The following PLEKHA5 variants were observed in gnomAD, a reference collection of about 807,000 sequenced individuals.
PLEKHA5 encodes the protein pleckstrin homology domain containing A5, also known as pleckstrin homology domain-containing family A member 5.
In PLEKHA5, 55 loss-of-function variants were observed where a neutral mutation model predicts 181.9. The ratio of observed to expected loss-of-function variants is 0.30; its 90% CI spans 0.24 to 0.38. The LOEUF (loss-of-function observed/expected upper bound fraction) is 0.38, where lower values mean the gene tolerates loss of function less well. PLEKHA5 is among the 10% of genes least tolerant of loss of function. The pLI is 1.00. For missense variants in PLEKHA5, 1,432 were observed against 1,549.5 expected (o/e 0.92, Z 1.27); for synonymous variants, 535 against 529.4 (o/e 1.01, Z -0.15).
At chr12:19,134,578 G>A (rs1279782365) in intron 3 of PLEKHA5, among the ~76,000 whole-genome samples, 1 of 152,070 alleles carries the variant, frequency 6.6e-6, no homozygotes, top group Non-Finnish European at 1.5e-5. Flanking sequence ...TTCTTTTAAG[G>A]TTAGTTAAAT....
intron 15 of PLEKHA5, among the ~76,000 whole-genome samples, chr12:19,301,019 AC>A (rs367565343): frequency 1.1e-4 from 16 of 151,464 alleles, no homozygotes; most frequent in African/African-American, 3.9e-4. Flanking sequence ...GTGTGGTGGC[AC>A]ATACCTGTAA....
intron 3 of PLEKHA5, chr12:19,154,624 A>G (rs1005396256): frequency 2.0e-5 from 3 of 152,212 alleles, no homozygotes; most frequent in African/African-American, 7.2e-5. Context: ...ATTAGTGAGA[A>G]TGGTTAAATA....
intron 3 of PLEKHA5, among the ~76,000 whole-genome samples, chr12:19,162,376 T>C (rs2043161972): frequency 6.6e-6 from 1 of 152,236 alleles, no homozygotes; most frequent in African/African-American, 2.4e-5. Context: ...GAAGCTGTTT[T>C]GCACATCGAT....
intron 25 of PLEKHA5, among the ~76,000 whole-genome samples, chr12:19,349,252 A>G (rs1428575584): frequency 1.3e-5 from 2 of 151,948 alleles, no homozygotes; most frequent in African/African-American, 4.8e-5. Context: ...AGTAGCTGGG[A>G]CTACAGGCAC....
At chr12:19,233,253 T>A (rs1034113081) in intron 3 of PLEKHA5, among the ~76,000 whole-genome samples, 1 of 152,228 alleles carries the variant, frequency 6.6e-6, no homozygotes, top group Non-Finnish European at 1.5e-5. Flanking sequence ...GTTTTCATTA[T>A]CCTTAATTTT....
intron 3 of PLEKHA5, among the ~76,000 whole-genome samples, chr12:19,196,312 G>A (rs2052719216): frequency 6.6e-6 from 1 of 152,004 alleles, no homozygotes; most frequent in South Asian, 2.1e-4. Context: ...ATTTTTCATA[G>A]GTCTTTAGAC....
chr12:19,187,383 G>C (rs2050103819), intron 3 of PLEKHA5, among the ~76,000 whole-genome samples: 1 of 152,176 alleles, frequency 6.6e-6, no homozygotes, highest in African/African-American at 2.4e-5. Context: ...TAGCTGGGTG[G>C]TTCTGGCTCA....
intron 28 of PLEKHA5, among the ~76,000 whole-genome samples, chr12:19,360,315 A>G (rs2095168477): frequency 1.3e-5 from 2 of 150,616 alleles, no homozygotes; most frequent in African/African-American, 2.4e-5. Flanking sequence ...AAAAAAAAAC[A>G]AAAAAAACGT....
At chr12:19,198,710 T>G (rs1358817253) in intron 3 of PLEKHA5, among the ~76,000 whole-genome samples, 1 of 152,134 alleles carries the variant, frequency 6.6e-6, no homozygotes, top group Non-Finnish European at 1.5e-5. Flanking sequence ...TTTTTAATAC[T>G]TAAGATATTA....
At chr12:19,368,244 A>C (rs925403304) in intron 30 of PLEKHA5, among the ~76,000 whole-genome samples, 1 of 152,164 alleles carries the variant, frequency 6.6e-6, no homozygotes, top group African/African-American at 2.4e-5. Context: ...TAATCTCAGC[A>C]CTTTCGGAAG....
At chr12:19,218,685 G>A (rs2058416494) in intron 3 of PLEKHA5, among the ~76,000 whole-genome samples, 2 of 151,968 alleles carry the variant, frequency 1.3e-5, no homozygotes, top group South Asian at 4.1e-4. Context: ...CCAGTAAAAA[G>A]GAATGGAGGA....
intron 15 of PLEKHA5, among the ~76,000 whole-genome samples, chr12:19,308,834 G>C (rs371926026): frequency 7.3e-5 from 11 of 151,098 alleles, no homozygotes; most frequent in South Asian, 2.1e-4. Flanking sequence ...GATCACCTGA[G>C]GTAAGGAGTT....
chr12:19,333,422 A>G (rs576541243), intron 20 of PLEKHA5, among the ~76,000 whole-genome samples: 1 of 151,138 alleles, frequency 6.6e-6, no homozygotes, highest in East Asian at 2.0e-4. Flanking sequence ...TACTAAAAAT[A>G]AAAAAAAATT....
chr12:19,302,276 C>T (rs1226151919), intron 15 of PLEKHA5, among the ~76,000 whole-genome samples: 1 of 152,212 alleles, frequency 6.6e-6, no homozygotes, highest in Non-Finnish European at 1.5e-5. Flanking sequence ...AGAAGCTCTG[C>T]TCTGTATCCA....
intron 7 of PLEKHA5, among the ~76,000 whole-genome samples, chr12:19,263,552 C>T (rs949606422): frequency 6.6e-6 from 1 of 152,184 alleles, no homozygotes; most frequent in Admixed American, 6.5e-5. Context: ...TTTTGGAGAT[C>T]AGTCCATGTT....
At chr12:19,173,181 G>A (rs1204595747) in intron 3 of PLEKHA5, among the ~76,000 whole-genome samples, 4 of 148,916 alleles carry the variant, frequency 2.7e-5, no homozygotes, top group African/African-American at 7.4e-5. Flanking sequence ...CCGCCACCGC[G>A]CCCGGCTAAT....
rs1038571571 is a variant in PLEKHA5, at chr12:19,305,791, C to T, written c.2038-9023C>T. ...AGGAGAATCGCTTCAACCTGGGAGT[C>T]GGAGGTTGCAGTGAGCCAAGATTGC... On this transcript the variant is annotated intron_variant, in intron 15 of 31. Transcript: ENST00000429027. Among the ~76,000 whole-genome samples, 6 of 122,534 alleles carry T rather than the reference C, an allele frequency of 4.9e-5. No homozygotes were observed. In the East Asian group the frequency reaches 1.1e-3, roughly 22 times the overall value. 80.4% of individuals were successfully genotyped at this position (122,534 alleles called of 152,430 possible). A position where few individuals can be genotyped will look rare whatever the true frequency, so the allele number is the denominator to read the frequency against.
intron 11 of PLEKHA5, among the ~76,000 whole-genome samples, chr12:19,282,077 C>T (rs774348232): frequency 1.2e-4 from 18 of 152,132 alleles, no homozygotes; most frequent in Non-Finnish European, 2.2e-4. Flanking sequence ...CCACTGCGCC[C>T]GGCCCAAAGT....
intron 3 of PLEKHA5, among the ~76,000 whole-genome samples, chr12:19,143,545 A>T (rs1006240796): frequency 6.6e-6 from 1 of 152,166 alleles, no homozygotes; most frequent in Admixed American, 6.6e-5. Context: ...ATTGTGTACA[A>T]TTATATGCAT....
Sources: allele counts gnomAD v4.1 joint callset (sites outside exome capture counted in the v4.1 genomes callset), GRCh38; gene constraint gnomAD v4.1.1; transcripts MANE v1.5; gene names NCBI Gene and HGNC (gene_info 2026-07-23, HGNC 2026-07-21).